RSRC1: variants seen among roughly 807,000 people sequenced by gnomAD.
RSRC1 encodes serine/Arginine-related protein 53.
Under a neutral mutation model 49.1 loss-of-function variants are expected in RSRC1, and 39 were observed. The ratio of observed to expected loss-of-function variants is 0.79; its 90% CI spans 0.61 to 1.04. The LOEUF (loss-of-function observed/expected upper bound fraction) is 1.04. RSRC1 is among the 50% of genes least tolerant of loss of function. The pLI, the probability that RSRC1 is intolerant of heterozygous loss-of-function variation, is 0.00. For missense variants in RSRC1, 388 were observed against 402.4 expected (o/e 0.96, Z 0.31); for synonymous variants, 143 against 130.8 (o/e 1.09, Z -0.63).
intron 7 of RSRC1, among the ~76,000 whole-genome samples, chr3:158,515,277 CT>C (rs1297410284): frequency 6.6e-6 from 1 of 151,422 alleles, no homozygotes; most frequent in Non-Finnish European, 1.5e-5. Flanking sequence ...TTCAGGAGCT[CT>C]TTTAGGGCAG....
At chr3:158,232,455 A>G (rs556135763) in intron 4 of RSRC1, among the ~76,000 whole-genome samples, 16 of 152,140 alleles carry the variant, frequency 1.1e-4, no homozygotes, top group Admixed American at 3.9e-4. Context: ...GGGGATAGTC[A>G]CCACCATACT....
In RSRC1 at chr3:158,457,294, G is replaced by A. The variant is rs76134329; in HGVS notation, c.584-3641G>A. Among the ~76,000 whole-genome samples, 13 of 152,274 alleles carry A rather than the reference G, an allele frequency of 8.5e-5. No homozygotes were observed. In the East Asian group the frequency reaches 2.5e-3, roughly 29 times the overall value. On this transcript the variant is annotated intron_variant, in intron 6 of 9. Transcript: ENST00000611884. ...GGAGTTGGATCCAAAAGAACTGCTG[G>A]TTCCGGTACAATCAGCTGGTACTGC... is the stretch of plus-strand genomic sequence containing the variant.
intron 5 of RSRC1, among the ~76,000 whole-genome samples, chr3:158,317,120 C>T (rs1728508896): frequency 6.6e-6 from 1 of 152,178 alleles, no homozygotes; most frequent in African/African-American, 2.4e-5. Flanking sequence ...GAGGAGAGCA[C>T]ATGACACCAA....
intron 1 of RSRC1, among the ~76,000 whole-genome samples, chr3:158,117,042 T>C (rs1714880902): frequency 6.6e-6 from 1 of 152,164 alleles, no homozygotes; most frequent in Admixed American, 6.5e-5. Flanking sequence ...TTTATTCTAA[T>C]CTCGTAGCAG....
At chr3:158,175,457 T>C (rs1434071134) in intron 3 of RSRC1, among the ~76,000 whole-genome samples, 1 of 151,826 alleles carries the variant, frequency 6.6e-6, no homozygotes, top group Non-Finnish European at 1.5e-5. Context: ...CTGGTATTTA[T>C]TTTCATGTGT....
At chr3:158,116,982 A>G (rs1160771688) in intron 1 of RSRC1, among the ~76,000 whole-genome samples, 1 of 152,114 alleles carries the variant, frequency 6.6e-6, no homozygotes, top group Non-Finnish European at 1.5e-5. Context: ...CTTCATGAAA[A>G]GGGGAGAGTG....
intron 4 of RSRC1, among the ~76,000 whole-genome samples, chr3:158,224,982 G>A (rs928186780): frequency 2.6e-4 from 39 of 151,836 alleles, no homozygotes; most frequent in African/African-American, 8.2e-4. Flanking sequence ...GTAGAAATAC[G>A]GTATATTCAA....
intron 4 of RSRC1, among the ~76,000 whole-genome samples, chr3:158,271,006 A>G (rs1002734977): frequency 6.6e-6 from 1 of 152,148 alleles, no homozygotes; most frequent in Non-Finnish European, 1.5e-5. Flanking sequence ...TCCCTTTTAT[A>G]AAAGGATTAT....
At chr3:158,372,841 T>C (rs2108268763) in intron 6 of RSRC1, among the ~76,000 whole-genome samples, 1 of 152,036 alleles carries the variant, frequency 6.6e-6, no homozygotes, top group African/African-American at 2.4e-5. Flanking sequence ...ATGGTATAGC[T>C]TTCCATTTAT....
chr3:158,472,995 A>G (rs1458140082), intron 7 of RSRC1, among the ~76,000 whole-genome samples: 3 of 152,222 alleles, frequency 2.0e-5, no homozygotes, highest in African/African-American at 4.8e-5. Context: ...AATGGCGATC[A>G]TTAAAAAGTC....
At chr3:158,313,487 G>A (rs1233236784) in intron 5 of RSRC1, among the ~76,000 whole-genome samples, 2 of 152,152 alleles carry the variant, frequency 1.3e-5, no homozygotes, top group African/African-American at 4.8e-5. Flanking sequence ...CCTGTAATGA[G>A]ACCTTTATGT....
chr3:158,148,123 C>G (rs967240976), intron 3 of RSRC1, among the ~76,000 whole-genome samples: 2 of 152,146 alleles, frequency 1.3e-5, no homozygotes, highest in African/African-American at 2.4e-5. Flanking sequence ...TACCTATTAT[C>G]TGGGATTATA....
intron 3 of RSRC1, among the ~76,000 whole-genome samples, chr3:158,189,695 C>T (rs1417527153): frequency 1.3e-5 from 2 of 151,850 alleles, no homozygotes; most frequent in African/African-American, 2.4e-5. Flanking sequence ...TTCAGTTGGA[C>T]AATCTTTCAA....
intron 5 of RSRC1, chr3:158,336,916 G>C (rs1344890257): frequency 6.6e-6 from 1 of 152,206 alleles, no homozygotes. Context: ...TTCAGTTTCT[G>C]ATGGCCCTTG....
Position 158,453,008 on chromosome 3 carries a change from A to G in RSRC1, c.584-7927A>G, listed in dbSNP as rs117456702. On this transcript the variant is annotated intron_variant, in intron 6 of 9. Transcript: ENST00000611884. The stretch of plus-strand genomic sequence containing the variant: ...TTTTAGTAAATGAGATATGCTACAT[A>G]TGGTTATTTAACTTGCTTTTTTATT... Among the ~76,000 whole-genome samples, 84 of 152,274 alleles carry G rather than the reference A, an allele frequency of 5.5e-4. No individual in the cohort carries two copies. The East Asian group carries it at 0.016, about 29-fold the overall frequency.
At chr3:158,326,519 T>A (rs1437640652) in intron 5 of RSRC1, among the ~76,000 whole-genome samples, 1 of 152,214 alleles carries the variant, frequency 6.6e-6, no homozygotes, top group African/African-American at 2.4e-5. Context: ...TCTGTGTATA[T>A]GCTGGATTAC....
At chr3:158,419,101 T>C (rs1006934980) in intron 6 of RSRC1, among the ~76,000 whole-genome samples, 2 of 151,988 alleles carry the variant, frequency 1.3e-5, no homozygotes, top group Non-Finnish European at 2.9e-5. Flanking sequence ...TTTAGTCACA[T>C]GAGTGTTATT....
chr3:158,132,310 T>C, intron 3 of RSRC1: 1 of 171,106 alleles, frequency 5.8e-6, no homozygotes, highest in Non-Finnish European at 1.3e-5. Context: ...TTTCTTTGTA[T>C]TACATACTAG....
At chr3:158,329,889 G>A (rs1729438528) in intron 5 of RSRC1, among the ~76,000 whole-genome samples, 1 of 152,178 alleles carries the variant, frequency 6.6e-6, no homozygotes, top group Non-Finnish European at 1.5e-5. Context: ...CACCCAGTTC[G>A]AGCTTCTGGG....
Sources: allele counts gnomAD v4.1 joint callset (sites outside exome capture counted in the v4.1 genomes callset), GRCh38; gene constraint gnomAD v4.1.1; transcripts MANE v1.5; gene names NCBI Gene and HGNC (gene_info 2026-07-23, HGNC 2026-07-21).